The following XDH variants were observed in gnomAD, a reference collection of about 807,000 sequenced individuals.
XDH encodes the protein xanthine dehydrogenase, also known as xanthine dehydrogenase/oxidase.
In XDH, 138 loss-of-function variants were observed where a neutral mutation model predicts 156.1. The ratio of observed to expected loss-of-function variants is 0.88; its 90% CI spans 0.77 to 1.02. The LOEUF (loss-of-function observed/expected upper bound fraction) is 1.02, where lower values mean the gene tolerates loss of function less well. Ranked by LOEUF, XDH falls within the 50% of genes least tolerant of loss-of-function variation. The pLI, the probability that XDH is intolerant of heterozygous loss-of-function variation, is 0.00. For missense variants in XDH, 1,849 were observed against 1,684.9 expected (o/e 1.10, Z -1.71); for synonymous variants, 669 against 625.7 (o/e 1.07, Z -1.03).
intron 15 of XDH, 82 bp downstream of exon 15, chr2:31,375,298 G>A (rs1278041336): frequency 5.1e-6 from 8 of 1,574,006 alleles, no homozygotes; most frequent in Admixed American, 1.7e-5. Flanking sequence ...CCAGAGGAGA[G>A]GAGCAAATTT....
intron 11 of XDH, among the ~76,000 whole-genome samples, 174 bp from the exon 12 acceptor site, chr2:31,381,900 C>G (rs758083783): frequency 6.6e-6 from 1 of 152,146 alleles, no homozygotes; most frequent in Non-Finnish European, 1.5e-5. Flanking sequence ...CTGAAAAATG[C>G]GCAAAATTTG....
chr2:31,335,963 C>G lies in XDH; in HGVS notation c.3997G>C (p.Val1333Leu). The G allele has an allele frequency of 6.2e-6, 10 of 1,614,220 alleles. No individual in the cohort carries two copies. The South Asian group carries it at 1.1e-4, about 18-fold the overall frequency. The change falls in exon 36 of 36, where the codon GTC (valine) becomes CTC (leucine). Residue 1333 changes from valine (V) to leucine (L), a missense_variant. By Grantham distance (32) the Val-to-Leu change is conservative (BLOSUM62 1). Transcript: ENST00000379416. ...CTCTGCTGAGGACTCTCTCTTTAGA[C>G]CCTCACAGACCAGGGTTTGCAGTTT... ...PENCKPWSVR[V>L]
rs1312347854 is a variant in XDH at position 31,342,248 on chromosome 2, G to A, written c.3454C>T (p.His1152Tyr). 3 of 1,614,158 alleles carry A rather than the reference G, an allele frequency of 1.9e-6. No individual in the cohort carries two copies. Among genetic ancestry groups the A allele is most frequent in the Admixed American group, 1.7e-5 (1 of 60,022 alleles). ...CAAGCCACCCCATAGCTGAAGTAGT[G>A]GAAGGGGTTCCCTGAGTTAGTCTCA... ...SFETNSGNPF[H>Y]YFSYGVACSE... The change falls in exon 32 of 36, where the codon CAC (histidine) becomes TAC (tyrosine). Residue 1152 changes from histidine to tyrosine, a missense_variant. Transcript: ENST00000379416.
At chr2:31,360,716 C>A (rs1447976223) in intron 24 of XDH, among the ~76,000 whole-genome samples, 1 of 152,134 alleles carries the variant, frequency 6.6e-6, no homozygotes, top group Non-Finnish European at 1.5e-5. Context: ...TTCAGGCACC[C>A]ACTAGGGTTC....
At chr2:31,350,336 G>C (rs1415251665) in intron 24 of XDH, 113 bp from the exon 25 acceptor site, 8 of 569,416 alleles carry the variant, frequency 1.4e-5, no homozygotes, top group Non-Finnish European at 2.6e-5. Flanking sequence ...CTGCACCCAA[G>C]TTATTTCTCC....
At position 31,365,102 on chromosome 2, in the gene XDH, T is replaced by C. The variant is rs562260150; in HGVS notation, c.2544+355A>G. 9.8e-5 allele frequency among the ~76,000 whole-genome samples: 15 copies of C among 152,298 alleles called. No individual in the cohort carries two copies. In the East Asian group the frequency reaches 1.5e-3, roughly 16 times the overall value. On this transcript the variant is annotated intron_variant, in intron 23 of 35. Transcript: ENST00000379416. ...TATTTCTCACAGTAAATTACTAAGC[T>C]GTCATTCCAATTTTTACATCAGGCC...
chr2:31,352,676 T>C (rs778744706), intron 24 of XDH, among the ~76,000 whole-genome samples: 5 of 152,236 alleles, frequency 3.3e-5, no homozygotes, highest in African/African-American at 1.2e-4. Flanking sequence ...AAAGACTGTA[T>C]GTTTTTCAAC....
At position 31,347,535 on chromosome 2, in the gene XDH, C is replaced by G. The variant is rs201855759; in HGVS notation, c.3263G>C (p.Gly1088Ala). Residue 1088 changes from glycine (G) to alanine (A), a missense_variant, in exon 29 of 36, where the codon GGA becomes GCA. Gly to Ala is a moderately conservative substitution (Grantham distance 60). Coordinates refer to ENST00000379416, the MANE Select transcript of XDH (RefSeq NM_000379.4). ...TGGGCTCCTTACATAGACGGCCTGTCCATTGAGGTCAGCGCTGACAGAGGC... is the reference window on the plus strand; with the variant it reads ...TGGGCTCCTTACATAGACGGCCTGTGCATTGAGGTCAGCGCTGACAGAGGC... ...TAASVSADLN[G>A]QAVYAACQTI... The G allele has an allele frequency of 5.6e-6, 9 of 1,613,996 alleles. No individual in the cohort carries two copies. In the East Asian group the frequency reaches 1.8e-4, roughly 32 times the overall value.
rs45459599 is a variant in XDH, at chr2:31,346,869, A to G, written c.3277-26T>C. ...CTAAAGTAAACACCCCCCACACCCCAGACACATCAGTCCTCTGCATTCTGT... is the reference window on the plus strand; with the variant it reads ...CTAAAGTAAACACCCCCCACACCCCGGACACATCAGTCCTCTGCATTCTGT... On this transcript the variant is annotated intron_variant, in intron 29 of 35. Coordinates refer to ENST00000379416, the MANE Select transcript of XDH (RefSeq NM_000379.4). 4.1e-3 allele frequency: 6,646 copies of G among 1,613,668 alleles called. 26 individuals are homozygous for G. The highest frequency in any genetic ancestry group is 5.3e-3 in the Non-Finnish European group (6,237 of 1,179,954).
chr2:31,365,419 G>A (rs1248062419), intron 23 of XDH, 38 bp downstream of exon 23: 1 of 1,609,686 alleles, frequency 6.2e-7, no homozygotes, highest in Non-Finnish European at 8.5e-7. Context: ...CTCACAAAAT[G>A]GCTCATCCCG....
intron 23 of XDH, 53 bp downstream of exon 23, chr2:31,365,404 C>T: frequency 1.2e-6 from 2 of 1,602,152 alleles, no homozygotes; most frequent in Non-Finnish European, 1.7e-6. Flanking sequence ...TCGGTCCCAG[C>T]TTTCCTCACA....
intron 4 of XDH, among the ~76,000 whole-genome samples, chr2:31,399,689 C>A (rs917307390): frequency 1.3e-5 from 2 of 152,162 alleles, no homozygotes; most frequent in Non-Finnish European, 2.9e-5. Context: ...GTGGTTCCCC[C>A]ATCCTGTTCT....
In XDH at chr2:31,403,050, G is replaced by A. The variant is rs549472058; in HGVS notation, c.195C>T (p.Ile65=). 7.6e-5 allele frequency: 122 copies of A among 1,614,068 alleles called. 2 individuals are homozygous for A. In the South Asian group the frequency reaches 1.3e-3, roughly 17 times the overall value. ...GTCAGCCAGCAGGCAAAGGATACACGATCTTGTTCTGCAGACGATCATACT... is the reference window on the plus strand; with the variant it reads ...GTCAGCCAGCAGGCAAAGGATACACAATCTTGTTCTGCAGACGATCATACT... The part of the protein sequence containing the change: ...LSKYDRLQNK[I]VHFSANACLA... Residue 65 remains isoleucine (I), a splice_region_variant and synonymous_variant, in exon 3 of 36, where the codon ATC becomes ATT. Transcript: ENST00000379416.
chr2:31,397,874 CT>C, intron 5 of XDH, 145 bp from the exon 6 acceptor site: 3 of 867,492 alleles, frequency 3.5e-6, no homozygotes, highest in Non-Finnish European at 5.6e-6. Context: ...TCTTGGCCTT[CT>C]CATATCCTGA....
chr2:31,360,040 C>T (rs923607514), intron 24 of XDH, among the ~76,000 whole-genome samples: 2 of 152,172 alleles, frequency 1.3e-5, no homozygotes, highest in African/African-American at 4.8e-5. Context: ...CAGATGTGCT[C>T]TTCCCATTGG....
rs1687103205 is a variant in XDH, at chr2:31,403,060, T to G, written c.185A>C (p.Gln62Pro). The G allele has an allele frequency of 6.2e-7, 1 of 1,614,030 alleles. No individual in the cohort carries two copies. The highest frequency in any genetic ancestry group is 1.7e-5 in the Admixed American group (1 of 60,010). Residue 62 changes from glutamine to proline, a missense_variant, in exon 3 of 36, where the codon CAG becomes CCG. By Grantham distance (76) the Gln-to-Pro change is moderately conservative. Transcript: ENST00000379416. ...AGGCAAAGGATACACGATCTTGTTC[T>G]GCAGACGATCATACTTGGAGAGCAT... ...TVMLSKYDRL[Q>P]NKIVHFSANA...
intron 4 of XDH, 115 bp from the exon 5 acceptor site, chr2:31,398,814 C>T: frequency 6.5e-7 from 1 of 1,534,762 alleles, no homozygotes; most frequent in East Asian, 2.3e-5. Context: ...AATCACTGCA[C>T]AGAGTCAAGC....
chr2:31,400,818 T>C (rs186060399), intron 4 of XDH, among the ~76,000 whole-genome samples: 241 of 152,300 alleles, frequency 1.6e-3, no homozygotes, highest in Non-Finnish European at 2.8e-3. Flanking sequence ...AGGGAGTAAG[T>C]GGGCTTATAA....
intron 26 of XDH, 142 bp from the exon 27 acceptor site, chr2:31,349,122 G>A: frequency 6.4e-6 from 5 of 787,100 alleles, no homozygotes; most frequent in Non-Finnish European, 1.1e-5. Context: ...GCCCACACCA[G>A]GGGGTCTTGT....
Sources: gnomAD v4.1 joint callset for allele counts (sites outside exome capture counted in the v4.1 genomes callset) on GRCh38, gnomAD v4.1.1 for gene constraint, MANE v1.5 for transcripts, NCBI Gene and HGNC (gene_info 2026-07-23, HGNC 2026-07-21) for gene names.